Variants in NFASC observed in about 807,000 individuals in gnomAD.
NFASC encodes neurofascin, also known as neurofascin homolog.
NFASC carries 43 observed loss-of-function variants against 147.5 expected under a neutral mutation model. The ratio of observed to expected loss-of-function variants is 0.29; its 90% confidence interval spans 0.23 to 0.38. The LOEUF is 0.38. Ranked by LOEUF, NFASC falls within the 10% of genes least tolerant of loss-of-function variation. The pLI is 1.00. For missense variants in NFASC, 1,320 were observed against 1,689.0 expected, an observed-to-expected ratio of 0.78 and a Z score of 3.83; for synonymous variants, 622 against 665.5, an observed-to-expected ratio of 0.93 and a Z score of 1.01.
At chr1:204,992,091 C>A (rs533960241) in intron 24 of NFASC, among the ~76,000 whole-genome samples, 27 of 152,296 alleles carry the variant, frequency 1.8e-4, no homozygotes, top group African/African-American at 4.3e-4. Flanking sequence ...GTTTGAGGGT[C>A]ATCAAAGGGC....
chr1:204,857,792 C>G (rs2076285588), intron 1 of NFASC, among the ~76,000 whole-genome samples: 1 of 152,122 alleles, frequency 6.6e-6, no homozygotes, highest in African/African-American at 2.4e-5. Flanking sequence ...AGCCTGAGAT[C>G]AAATTGTTGA....
intron 3 of NFASC, among the ~76,000 whole-genome samples, chr1:204,950,079 G>T (rs1240776902): frequency 6.6e-6 from 1 of 152,240 alleles, no homozygotes; most frequent in Non-Finnish European, 1.5e-5. Flanking sequence ...GGAGAAATGA[G>T]GCCTTGGAGC....
intron 1 of NFASC, among the ~76,000 whole-genome samples, chr1:204,829,604 C>T (rs1671639343): frequency 6.6e-6 from 1 of 152,108 alleles, no homozygotes; most frequent in Admixed American, 6.5e-5. Flanking sequence ...CTCTTATGTT[C>T]CTCTCCAGCC....
rs2096227912 is a variant in NFASC at position 205,010,260 on chromosome 1, C to T, written c.3421+572C>T. 6.5e-6 allele frequency: 1 copy of T among 153,912 alleles called. No individual in the cohort carries two copies. The highest frequency in any genetic ancestry group is 2.4e-5 in the African/African-American group (1 of 41,456). 9.5% of individuals were successfully genotyped at this position (153,912 alleles called of 1,614,324 possible). On this transcript the variant is annotated intron_variant, in intron 28 of 29. Transcript: ENST00000339876. This position sits in a 1 kb window ranked among gnomAD's most constrained non-coding sequence, Gnocchi z 4.1. ...TAGGGACCCCCATGGCCCTAAAGCA[C>T]TTTGGGCTTCCCTAAAATCCCAAGG...
intron 1 of NFASC, among the ~76,000 whole-genome samples, chr1:204,881,315 A>G (rs2080175655): frequency 6.6e-6 from 1 of 152,224 alleles, no homozygotes; most frequent in Non-Finnish European, 1.5e-5. Context: ...AGTGGCAGGT[A>G]GGGCACAGTT....
chr1:204,897,237 T>C (rs2759281), intron 1 of NFASC, among the ~76,000 whole-genome samples: 58,904 of 151,988 alleles, frequency 0.39, 18,946 homozygotes, highest in African/African-American at 0.84. Context: ...AGCTGAGATG[T>C]GACAAATGAG....
rs996847811 is a variant in NFASC, at chr1:204,971,086, G to C, written c.1135+339G>C. On this transcript the variant is annotated intron_variant, in intron 11 of 29. Transcript: ENST00000339876. ...GGGACTGTGGCTGCATCTCTGGGTGGTTGGGCTTTGAGTGATGGCTGGGGC... is the reference window on the plus strand; with the variant it reads ...GGGACTGTGGCTGCATCTCTGGGTGCTTGGGCTTTGAGTGATGGCTGGGGC... Among the ~76,000 whole-genome samples the C allele has an allele frequency of 9.2e-5, 14 of 152,292 alleles. No homozygotes were observed. The South Asian group carries it at 1.5e-3, about 16-fold the overall frequency.
chr1:204,859,466 C>A (rs1442002993), intron 1 of NFASC, among the ~76,000 whole-genome samples: 5 of 152,356 alleles, frequency 3.3e-5, no homozygotes, highest in Non-Finnish European at 7.3e-5. Context: ...GTCTGTGTAC[C>A]TCACTATACT....
intron 1 of NFASC, among the ~76,000 whole-genome samples, chr1:204,869,412 A>G (rs551233401): frequency 6.6e-6 from 1 of 152,376 alleles, no homozygotes; most frequent in Admixed American, 6.5e-5. Context: ...CCATAATTTC[A>G]CTGCTCAAAG....
intron 1 of NFASC, among the ~76,000 whole-genome samples, chr1:204,892,940 G>A (rs2082677458): frequency 6.6e-6 from 1 of 152,198 alleles, no homozygotes; most frequent in Admixed American, 6.5e-5. Context: ...CTACAGCAAA[G>A]CAAAACTGTA....
chr1:204,894,854 A>G (rs1014138790), intron 1 of NFASC, among the ~76,000 whole-genome samples: 2 of 152,100 alleles, frequency 1.3e-5, no homozygotes, highest in African/African-American at 4.8e-5. Flanking sequence ...CCCGATTTGG[A>G]CACCATCCCT....
chr1:204,879,347 G>C (rs1250501788), intron 1 of NFASC, among the ~76,000 whole-genome samples: 8 of 152,150 alleles, frequency 5.3e-5, no homozygotes, highest in African/African-American at 1.9e-4. Flanking sequence ...CGTCTCCCCC[G>C]CAAAACAGTC....
rs16854576 is a variant in NFASC, at chr1:204,867,249, G to A, written c.-200+38467G>A. 5.1e-3 allele frequency among the ~76,000 whole-genome samples: 769 copies of A among 152,188 alleles called. 6 individuals are homozygous for A. Among genetic ancestry groups the A allele is most frequent in the African/African-American group, 0.018 (729 of 41,516 alleles). Reference sequence around the variant, plus strand: ...GAGAGCATTCTGGTAACAACAGGGAGACCATGGGACTGCTCCACCCACACA... The same window carrying A: ...GAGAGCATTCTGGTAACAACAGGGAAACCATGGGACTGCTCCACCCACACA... On this transcript the variant is annotated intron_variant, in intron 1 of 29. Coordinates refer to ENST00000339876, the MANE Select transcript of NFASC (RefSeq NM_001005388.3).
intron 1 of NFASC, among the ~76,000 whole-genome samples, chr1:204,884,836 T>A (rs2080989547): frequency 6.6e-6 from 1 of 152,102 alleles, no homozygotes; most frequent in African/African-American, 2.4e-5. Context: ...TGCTGGGTGC[T>A]ATGGGAAATA....
chr1:204,919,596 C>T (rs191099783), intron 1 of NFASC, among the ~76,000 whole-genome samples: 6 of 152,190 alleles, frequency 3.9e-5, no homozygotes, highest in African/African-American at 1.4e-4. Context: ...GCCACATTCC[C>T]CTCTACAAGA....
chr1:204,829,321 C>G (rs567727090), intron 1 of NFASC, among the ~76,000 whole-genome samples: 1 of 151,712 alleles, frequency 6.6e-6, no homozygotes, highest in African/African-American at 2.4e-5. Flanking sequence ...AGCCCCTTCC[C>G]AGCTGCCTCT....
In NFASC at chr1:205,015,376, G is replaced by T. The variant is rs1455394478; in HGVS notation, c.3492-932G>T. Among the ~76,000 whole-genome samples, 2 of 152,184 alleles carry T rather than the reference G, an allele frequency of 1.3e-5. No homozygotes were observed. Among genetic ancestry groups the T allele is most frequent in the Non-Finnish European group, 2.9e-5 (2 of 68,042 alleles). On this transcript the variant is annotated intron_variant, in intron 29 of 29. Coordinates refer to ENST00000339876, the MANE Select transcript of NFASC (RefSeq NM_001005388.3). This position sits in a 1 kb window ranked among gnomAD's most constrained non-coding sequence, Gnocchi z 4.0. ...GAACTGGGCTAACCTCTGAAGTGCA[G>T]CCAGCACCACCTGGTCCCCACTCTG...
In NFASC at chr1:204,979,512, G is replaced by A. The variant is rs2095472597; in HGVS notation, c.2129G>A (p.Ser710Asn). ...FRVIAINEVG[S>N]SHPSLPSERY... ...GTCATTGCCATCAACGAGGTTGGGA[G>A]CAGCCACCCCAGCCTCCCATCCGAG... Residue 710 changes from serine (S) to asparagine (N), a missense_variant, in exon 19 of 30, where the codon AGC becomes AAC. By Grantham distance (46) the Ser-to-Asn change is conservative. This residue lies in a region of NFASC where 981 missense variants were observed against 1,289.5 expected (regional missense o/e 0.76). Coordinates refer to ENST00000339876, the MANE Select transcript of NFASC (RefSeq NM_001005388.3). The surrounding 1 kb of genome is among the most constrained non-coding windows in gnomAD (Gnocchi z 6.0). 6.2e-7 allele frequency: 1 copy of A among 1,613,756 alleles called. No individual in the cohort carries two copies. Among genetic ancestry groups the A allele is most frequent in the South Asian group, 1.1e-5 (1 of 91,082 alleles).
intron 1 of NFASC, among the ~76,000 whole-genome samples, chr1:204,908,131 A>T (rs1001174202): frequency 9.2e-5 from 14 of 152,114 alleles, no homozygotes; most frequent in African/African-American, 3.4e-4. Flanking sequence ...ACAGGCACGC[A>T]CCACTATGCC....
Sources: gnomAD v4.1 joint callset for allele counts (sites outside exome capture counted in the v4.1 genomes callset) on GRCh38, gnomAD v4.1.1 for gene constraint, gnomAD v4.1.1 regional missense constraint, Gnocchi (gnomAD v3.1) non-coding constraint, MANE v1.5 for transcripts, NCBI Gene and HGNC (gene_info 2026-07-23, HGNC 2026-07-21) for gene names.